ALPK1: variants seen among roughly 807,000 people sequenced by gnomAD.
ALPK1 encodes the protein alpha-protein kinase 1.
In ALPK1, 110 loss-of-function variants were observed where a neutral mutation model predicts 120.6. The ratio of observed to expected loss-of-function variants is 0.91; its 90% CI spans 0.78 to 1.07. The LOEUF (loss-of-function observed/expected upper bound fraction) is 1.07, where lower values mean the gene tolerates loss of function less well. Among genes scored for constraint, ALPK1 ranks in the 50% least tolerant of loss-of-function variants. The probability of loss-of-function intolerance (pLI) is 0.00; values close to 1 mark genes in which losing one functional copy is unlikely to be tolerated. For missense variants in ALPK1, 1,498 were observed against 1,483.9 expected, an observed-to-expected ratio of 1.01 and a Z score of -0.16; for synonymous variants, 582 against 560.3, an observed-to-expected ratio of 1.04 and a Z score of -0.55.
rs1007136196 is a variant in ALPK1 at position 112,430,565 on chromosome 4, A to C, written c.1018A>C (p.Arg340=). The change falls in exon 11 of 16, where the codon AGA becomes CGA. Residue 340 remains arginine, a synonymous_variant. Coordinates refer to ENST00000650871, the MANE Select transcript of ALPK1 (RefSeq NM_025144.4). ...CTTTGAGATTGGCCTCCTCACCAAGAGAGATGATGAGCCTGTTACTGGAAA... is the reference window on the plus strand; with the variant it reads ...CTTTGAGATTGGCCTCCTCACCAAGCGAGATGATGAGCCTGTTACTGGAAA... ...EAFEIGLLTK[R]DDEPVTGKQE... 1 of 1,614,174 alleles carries C rather than the reference A, an allele frequency of 6.2e-7. No individual in the cohort carries two copies. Among genetic ancestry groups the C allele is most frequent in the South Asian group, 1.1e-5 (1 of 91,080 alleles).
chr4:112,365,755 A>G (rs1731119806), intron 2 of ALPK1, among the ~76,000 whole-genome samples: 1 of 152,180 alleles, frequency 6.6e-6, no homozygotes. Flanking sequence ...TCAAAGCAAG[A>G]CTAAGCAAAA....
rs1734308887 is a variant in ALPK1, at chr4:112,427,819, G to A, written c.795+154G>A. 6.5e-6 allele frequency: 4 copies of A among 616,122 alleles called. No individual in the cohort carries two copies. The South Asian group carries it at 7.8e-5, about 12-fold the overall frequency. 38.2% of individuals were successfully genotyped at this position (616,122 alleles called of 1,614,324 possible). On this transcript the variant is annotated intron_variant, in intron 9 of 15. Transcript: ENST00000650871. ...GGGAGGAATCCTGGGGAGGAGTCTT[G>A]TGGGGTCCTATTTGGCTTTATTATC...
intron 4 of ALPK1, among the ~76,000 whole-genome samples, chr4:112,408,309 C>T (rs7688190): frequency 0.35 from 53,004 of 151,930 alleles, 9,490 homozygotes; most frequent in African/African-American, 0.45. Flanking sequence ...GTACTGAAGA[C>T]AGTAGCTGAA....
chr4:112,415,922 C>G (rs1733727012), intron 5 of ALPK1, among the ~76,000 whole-genome samples: 1 of 152,060 alleles, frequency 6.6e-6, no homozygotes, highest in African/African-American at 2.4e-5. Context: ...AAGTAAAAAA[C>G]AAAGATACAA....
At chr4:112,329,364 T>C (rs1729260412) in intron 2 of ALPK1, among the ~76,000 whole-genome samples, 1 of 152,214 alleles carries the variant, frequency 6.6e-6, no homozygotes, top group Non-Finnish European at 1.5e-5. Context: ...ATAACTGAAA[T>C]GCTAGTTCAC....
At position 112,432,482 on chromosome 4, in the gene ALPK1, G is replaced by A. The variant is rs749203885; in HGVS notation, c.2935G>A (p.Asp979Asn). ...ILEARTLQPDDFEKLLAGVRH... is the reference protein window; with the variant it reads ...ILEARTLQPDNFEKLLAGVRH... Reference sequence around the variant, plus strand: ...TGAGGCTCGCACCTTGCAACCTGATGACTTTGAAAAGCTGTTGGCAGGAGT... The same window carrying A: ...TGAGGCTCGCACCTTGCAACCTGATAACTTTGAAAAGCTGTTGGCAGGAGT... Residue 979 changes from aspartate (D) to asparagine (N), a missense_variant, in exon 11 of 16, where the codon GAC becomes AAC. Coordinates refer to ENST00000650871, the MANE Select transcript of ALPK1 (RefSeq NM_025144.4). 1.2e-6 allele frequency: 2 copies of A among 1,614,180 alleles called. No individual in the cohort carries two copies. Among genetic ancestry groups the A allele is most frequent in the Non-Finnish European group, 1.7e-6 (2 of 1,180,026 alleles).
intron 2 of ALPK1, chr4:112,352,751 T>C (rs908615741): frequency 6.6e-6 from 1 of 152,238 alleles, no homozygotes; most frequent in East Asian, 1.9e-4. Flanking sequence ...TTATAATGTT[T>C]GTAAATTTTA....
In ALPK1 at chr4:112,311,415, G is replaced by A. The variant is rs562315593; in HGVS notation, c.-152-4386G>A. On this transcript the variant is annotated intron_variant, in intron 1 of 15. Transcript: ENST00000650871. The stretch of plus-strand genomic sequence containing the variant: ...TTTTATGAGTTGACTATTATTGGTA[G>A]CAGTATTTACTCAATAAATGGTAAT... Among the ~76,000 whole-genome samples, 13 of 152,236 alleles carry A rather than the reference G, an allele frequency of 8.5e-5. No homozygotes were observed. In the East Asian group the frequency reaches 2.1e-3, roughly 25 times the overall value.
Position 112,440,011 on chromosome 4 carries a change from A to G in ALPK1, c.3538+139A>G, listed in dbSNP as rs116765048. 7.9e-4 allele frequency: 608 copies of G among 765,218 alleles called. 3 individuals are homozygous for G. The African/African-American group carries it at 0.01, about 13-fold the overall frequency. The allele number at this position is 765,218 out of a possible 1,614,324, so 47.4% of individuals were successfully genotyped here. The stretch of plus-strand genomic sequence containing the variant: ...TGGAGTTAACTTAATTGATCTTACT[A>G]TATATAGCAAATAATTCCTGAAAGA... On this transcript the variant is annotated intron_variant, in intron 14 of 15. Coordinates refer to ENST00000650871, the MANE Select transcript of ALPK1 (RefSeq NM_025144.4).
At chr4:112,307,390 C>T (rs1243666130) in intron 1 of ALPK1, among the ~76,000 whole-genome samples, 10 of 151,994 alleles carry the variant, frequency 6.6e-5, no homozygotes, top group Admixed American at 5.9e-4. Context: ...GAGTCTAAGT[C>T]TCTTTGTAGG....
intron 2 of ALPK1, chr4:112,356,522 C>T: frequency 3.5e-6 from 3 of 865,344 alleles, no homozygotes; most frequent in Non-Finnish European, 5.9e-6. Flanking sequence ...ACACCTCCTA[C>T]CGGCCTGAGG....
At chr4:112,335,306 C>A (rs1729566371) in intron 2 of ALPK1, among the ~76,000 whole-genome samples, 1 of 150,246 alleles carries the variant, frequency 6.7e-6, no homozygotes, top group Non-Finnish European at 1.5e-5. Flanking sequence ...CAGGGAAATG[C>A]AGTCATTTGC....
intron 5 of ALPK1, among the ~76,000 whole-genome samples, chr4:112,422,481 C>G (rs149025760): frequency 2.6e-5 from 4 of 152,112 alleles, no homozygotes; most frequent in African/African-American, 9.7e-5. Flanking sequence ...TTTACAACAC[C>G]GTATAATGTC....
intron 4 of ALPK1, among the ~76,000 whole-genome samples, chr4:112,386,693 T>A (rs1220142407): frequency 1.3e-5 from 2 of 152,236 alleles, no homozygotes; most frequent in Non-Finnish European, 2.9e-5. Flanking sequence ...CTATAGGCTT[T>A]GAAGTATTAT....
chr4:112,340,450 G>A (rs1014193255), intron 2 of ALPK1, among the ~76,000 whole-genome samples: 5 of 152,158 alleles, frequency 3.3e-5, no homozygotes, highest in Admixed American at 2.0e-4. Context: ...ATACACATAC[G>A]TATTTATACT....
intron 2 of ALPK1, among the ~76,000 whole-genome samples, chr4:112,368,412 T>A (rs1312249214): frequency 6.6e-6 from 1 of 152,246 alleles, no homozygotes; most frequent in Non-Finnish European, 1.5e-5. Flanking sequence ...CTATATCTGT[T>A]AACTCCATTA....
chr4:112,322,475 C>T (rs1288971422), intron 2 of ALPK1, among the ~76,000 whole-genome samples: 1 of 152,174 alleles, frequency 6.6e-6, no homozygotes, highest in Non-Finnish European at 1.5e-5. Flanking sequence ...CCAGATTTAG[C>T]TTGCATCTGC....
At chr4:112,371,142 C>G (rs1264002010) in intron 2 of ALPK1, among the ~76,000 whole-genome samples, 1 of 152,158 alleles carries the variant, frequency 6.6e-6, no homozygotes, top group East Asian at 1.9e-4. Context: ...TTTTCTACAT[C>G]TCTAATACTA....
At chr4:112,369,984 T>C (rs1578508424) in intron 2 of ALPK1, among the ~76,000 whole-genome samples, 1 of 152,338 alleles carries the variant, frequency 6.6e-6, no homozygotes, top group Non-Finnish European at 1.5e-5. Context: ...TTCTGACTAG[T>C]TGGCTAGTGG....
Sources: gnomAD v4.1 joint callset for allele counts (sites outside exome capture counted in the v4.1 genomes callset) on GRCh38, gnomAD v4.1.1 for gene constraint, MANE v1.5 for transcripts, NCBI Gene and HGNC (gene_info 2026-07-23, HGNC 2026-07-21) for gene names.